The following SEC22A variants were observed in gnomAD, a reference collection of about 807,000 sequenced individuals.
The protein encoded by SEC22A is vesicle-trafficking protein SEC22a.
In SEC22A, 22 loss-of-function variants were observed where a neutral mutation model predicts 35.3. The ratio of observed to expected loss-of-function variants is 0.62; its 90% CI spans 0.45 to 0.89. The LOEUF (loss-of-function observed/expected upper bound fraction) is 0.89. SEC22A is among the 40% of genes least tolerant of loss of function. The pLI is 0.00. For missense variants in SEC22A, 354 were observed against 362.5 expected, an observed-to-expected ratio of 0.98 and a Z score of 0.19; for synonymous variants, 119 against 129.5, an observed-to-expected ratio of 0.92 and a Z score of 0.55.
At chr3:123,228,105 G>A (rs1482543389) in intron 4 of SEC22A, among the ~76,000 whole-genome samples, 1 of 151,930 alleles carries the variant, frequency 6.6e-6, no homozygotes, top group Non-Finnish European at 1.5e-5. Flanking sequence ...GGGAGAAGAG[G>A]GTAACAAATT....
rs1290854442 is a variant in SEC22A, at chr3:123,271,986, T to C, written c.*264T>C. On this transcript the variant is annotated 3_prime_UTR_variant, in exon 7 of 7. Transcript: ENST00000492595. ...ACAGTGGAAGAACAGTCATATGCCA[T>C]TGGAAGTCTTGGCCAGCAGTCCTGA... The C allele has an allele frequency of 6.5e-6, 3 of 462,156 alleles. No individual in the cohort carries two copies. The highest frequency in any genetic ancestry group is 1.2e-5 in the Non-Finnish European group (3 of 255,580). 28.6% of individuals were successfully genotyped at this position (462,156 alleles called of 1,614,324 possible). A position where few individuals can be genotyped will look rare whatever the true frequency, so the allele number is the denominator to read the frequency against.
At chr3:123,202,307 G>A (rs1936764029) in intron 1 of SEC22A, 1 of 152,492 alleles carries the variant, frequency 6.6e-6, no homozygotes, top group Non-Finnish European at 1.5e-5. Flanking sequence ...GAAGGGGAGG[G>A]ACAGTCGCAC....
intron 4 of SEC22A, among the ~76,000 whole-genome samples, chr3:123,244,886 CTGT>C (rs1409657611): frequency 1.3e-5 from 2 of 152,058 alleles, no homozygotes; most frequent in African/African-American, 2.4e-5. Context: ...CATGTAGACC[CTGT>C]TGTTAATTCT....
At chr3:123,222,491 C>T (rs1163472529) in intron 2 of SEC22A, among the ~76,000 whole-genome samples, 10 of 152,128 alleles carry the variant, frequency 6.6e-5, no homozygotes, top group South Asian at 2.1e-4. Context: ...CCACCATGCC[C>T]GGCCTCTTTA....
intron 5 of SEC22A, among the ~76,000 whole-genome samples, chr3:123,248,006 A>AC (rs775467559): frequency 1.3e-5 from 2 of 152,156 alleles, no homozygotes; most frequent in South Asian, 4.1e-4. Flanking sequence ...CAAAATCCAA[A>AC]CCCCATCCAT....
intron 6 of SEC22A, among the ~76,000 whole-genome samples, 184 bp from the exon 7 acceptor site, chr3:123,271,338 T>G (rs1246381713): frequency 6.6e-6 from 1 of 152,218 alleles, no homozygotes; most frequent in Non-Finnish European, 1.5e-5. Flanking sequence ...TCTATTTCCC[T>G]TTCAAACTGT....
chr3:123,269,761 T>A (rs918029391), intron 6 of SEC22A, among the ~76,000 whole-genome samples: 1 of 150,700 alleles, frequency 6.6e-6, no homozygotes, highest in African/African-American at 2.4e-5. Context: ...GCTTCCCGAG[T>A]AGCTGGGACT....
At chr3:123,256,758 C>CTTTT (rs386397801) in intron 5 of SEC22A, among the ~76,000 whole-genome samples, 9 of 83,550 alleles carry the variant, frequency 1.1e-4, no homozygotes, top group South Asian at 3.6e-4. Context: ...TTTTTCTTTC[C>CTTTT]TTTTTTTTTT....
At chr3:123,207,970 A>G (rs1397167195) in intron 1 of SEC22A, among the ~76,000 whole-genome samples, 1 of 152,222 alleles carries the variant, frequency 6.6e-6, no homozygotes, top group East Asian at 1.9e-4. Flanking sequence ...TACTGTGAAT[A>G]TTGAGAACAT....
chr3:123,218,517 G>A (rs1937070483), intron 2 of SEC22A, among the ~76,000 whole-genome samples: 2 of 152,230 alleles, frequency 1.3e-5, no homozygotes, highest in Middle Eastern at 3.4e-3. Context: ...GAGCAGACAA[G>A]TCTTTGAGAC....
chr3:123,214,657 A>T (rs1387311927), intron 2 of SEC22A, among the ~76,000 whole-genome samples: 1 of 152,254 alleles, frequency 6.6e-6, no homozygotes, highest in Non-Finnish European at 1.5e-5. Context: ...TAAAGTAAGT[A>T]TGAACCATAT....
chr3:123,223,248 A>G (rs1485048776), intron 2 of SEC22A, among the ~76,000 whole-genome samples: 1 of 152,208 alleles, frequency 6.6e-6, no homozygotes, highest in Non-Finnish European at 1.5e-5. Context: ...ACTTTAAGCT[A>G]TCTGTAATAC....
intron 1 of SEC22A, among the ~76,000 whole-genome samples, chr3:123,208,016 C>A: frequency 6.6e-6 from 1 of 151,886 alleles, no homozygotes; most frequent in Admixed American, 6.6e-5. Context: ...CCAATAATAC[C>A]ATTTCTTAGA....
chr3:123,259,673 A>T (rs770184461), intron 6 of SEC22A, 84 bp downstream of exon 6: 114 of 931,552 alleles, frequency 1.2e-4, no homozygotes, highest in Non-Finnish European at 1.5e-4. Context: ...ATTTTAAATA[A>T]ATTATTAAAA....
At chr3:123,264,460 G>A (rs539918671) in intron 6 of SEC22A, among the ~76,000 whole-genome samples, 76 of 151,678 alleles carry the variant, frequency 5.0e-4, no homozygotes, top group African/African-American at 1.7e-3. Flanking sequence ...ATCCTCACCA[G>A]CATTTGATAT....
At chr3:123,208,673 T>C (rs1285952827) in intron 1 of SEC22A, 2 of 152,930 alleles carry the variant, frequency 1.3e-5, no homozygotes, top group Non-Finnish European at 2.9e-5. Context: ...TCAGCCAAGA[T>C]GGCGCCACTG....
At chr3:123,225,967 A>G (rs1937212531) in intron 4 of SEC22A, among the ~76,000 whole-genome samples, 1 of 152,154 alleles carries the variant, frequency 6.6e-6, no homozygotes, top group Non-Finnish European at 1.5e-5. Context: ...TTCTGTGTCT[A>G]GTTTATTTCA....
Position 123,218,884 on chromosome 3 carries a change from A to C in SEC22A, c.183-4675A>C, listed in dbSNP as rs113417425. Reference sequence around the variant, plus strand: ...AAATATTCTAAGTGCTAAGAATATAATGGTGAGCAATACAGAAATCATCCC... The same window carrying C: ...AAATATTCTAAGTGCTAAGAATATACTGGTGAGCAATACAGAAATCATCCC... On this transcript the variant is annotated intron_variant, in intron 2 of 6. Coordinates refer to ENST00000492595, the MANE Select transcript of SEC22A (RefSeq NM_012430.5). 3.3e-5 allele frequency among the ~76,000 whole-genome samples: 5 copies of C among 152,360 alleles called. 1 individual carries two copies. Among genetic ancestry groups the C allele is most frequent in the South Asian group, 2.1e-4 (1 of 4,830 alleles).
At chr3:123,242,551 C>T (rs542011773) in intron 4 of SEC22A, among the ~76,000 whole-genome samples, 2 of 150,854 alleles carry the variant, frequency 1.3e-5, no homozygotes, top group Admixed American at 6.6e-5. Context: ...CCCAAGCACT[C>T]AGATTCCCAT....
Sources: allele counts gnomAD v4.1 joint callset (sites outside exome capture counted in the v4.1 genomes callset), GRCh38; gene constraint gnomAD v4.1.1; transcripts MANE v1.5; gene names NCBI Gene and HGNC (gene_info 2026-07-23, HGNC 2026-07-21).